The following CDH12 variants were observed in gnomAD, a reference collection of about 807,000 sequenced individuals.
CDH12 encodes the protein cadherin-12.
In CDH12, 41 loss-of-function variants were observed where a neutral mutation model predicts 74.1. The observed-to-expected ratio is 0.55, with a 90% CI of 0.43 to 0.72. CDH12 has a LOEUF of 0.72. Ranked by LOEUF, CDH12 falls within the 30% of genes least tolerant of loss-of-function variation. CDH12 has a pLI of 0.00. For synonymous variants in CDH12, 399 were observed against 355.0 expected (o/e 1.12, Z -1.39); for missense variants, 945 against 977.2 (o/e 0.97, Z 0.44).
At chr5:22,153,889 A>ATATATGTAT (rs1561168560) in intron 4 of CDH12, among the ~76,000 whole-genome samples, 1 of 42,060 alleles carries the variant, frequency 2.4e-5, no homozygotes, top group African/African-American at 6.5e-5. Context: ...TATATATATA[A>ATATATGTAT]ATATATATAT....
At chr5:22,579,737 T>A (rs1739983742) in intron 1 of CDH12, among the ~76,000 whole-genome samples, 1 of 152,204 alleles carries the variant, frequency 6.6e-6, no homozygotes, top group African/African-American at 2.4e-5. Flanking sequence ...CAAAAATCAT[T>A]TAGAGTAAAA....
intron 1 of CDH12, among the ~76,000 whole-genome samples, chr5:22,700,565 C>T (rs899995263): frequency 1.3e-5 from 2 of 152,188 alleles, no homozygotes; most frequent in South Asian, 2.1e-4. Flanking sequence ...AGTTTCTTAT[C>T]GCCTAAGCAG....
At chr5:22,796,517 T>A (rs200154945) in intron 1 of CDH12, among the ~76,000 whole-genome samples, 1 of 88,394 alleles carries the variant, frequency 1.1e-5, no homozygotes, top group Non-Finnish European at 2.1e-5. Context: ...TTTTTATCTT[T>A]TTTTTTTTTT....
At chr5:22,722,512 T>C (rs1743952147) in intron 1 of CDH12, among the ~76,000 whole-genome samples, 1 of 152,214 alleles carries the variant, frequency 6.6e-6, no homozygotes, top group Non-Finnish European at 1.5e-5. Context: ...TAAATAACTA[T>C]GATAAAATGT....
At chr5:22,719,235 T>G (rs768509575) in intron 1 of CDH12, among the ~76,000 whole-genome samples, 10 of 152,140 alleles carry the variant, frequency 6.6e-5, no homozygotes, top group Non-Finnish European at 1.3e-4. Flanking sequence ...ATGCTAAGAG[T>G]TGGCATCCCT....
intron 3 of CDH12, among the ~76,000 whole-genome samples, chr5:22,313,505 TC>T (rs1356500898): frequency 2.0e-5 from 3 of 152,216 alleles, no homozygotes; most frequent in Non-Finnish European, 4.4e-5. Context: ...CAGTCTTTGT[TC>T]TAAAAGTCTC....
rs765565044 is a variant in CDH12 at position 21,752,102 on chromosome 5, C to T, written c.2020G>A (p.Asp674Asn). ...TTTGGGTTTCTCAGAGCCCCGATGT[C>T]GAAAGCCTGGGTATCTTCCTCCCCA... ...GGGEEDTQAF[D>N]IGALRNPKVI... The change falls in exon 15 of 15, where the codon GAC (aspartate) becomes AAC (asparagine). Residue 674 changes from aspartate to asparagine, a missense_variant. By Grantham distance (23) the Asp-to-Asn change is conservative (BLOSUM62 1). Transcript: ENST00000382254. 1.7e-5 allele frequency: 27 copies of T among 1,613,946 alleles called. No homozygotes were observed. Among genetic ancestry groups the T allele is most frequent in the Non-Finnish European group, 1.9e-5 (22 of 1,180,018 alleles).
At chr5:22,681,558 C>T (rs1176064792) in intron 1 of CDH12, among the ~76,000 whole-genome samples, 1 of 151,934 alleles carries the variant, frequency 6.6e-6, no homozygotes, top group Non-Finnish European at 1.5e-5. Context: ...TTTAAGGATG[C>T]TGCATATTAA....
intron 8 of CDH12, among the ~76,000 whole-genome samples, chr5:21,838,193 T>C (rs1579807850): frequency 6.6e-6 from 1 of 152,172 alleles, no homozygotes; most frequent in Admixed American, 6.5e-5. Context: ...AATAGTGATC[T>C]TAGAGTATTG....
intron 3 of CDH12, among the ~76,000 whole-genome samples, chr5:22,313,593 A>T (rs753471897): frequency 6.6e-6 from 1 of 152,216 alleles, no homozygotes; most frequent in Non-Finnish European, 1.5e-5. Flanking sequence ...TAAAATGATT[A>T]ATCTGTGGAT....
At chr5:22,108,171 T>G (rs1171800349) in intron 4 of CDH12, among the ~76,000 whole-genome samples, 1 of 152,172 alleles carries the variant, frequency 6.6e-6, no homozygotes, top group Non-Finnish European at 1.5e-5. Context: ...CATACTGTTC[T>G]CCTAGTAGTG....
chr5:21,864,737 T>C (rs1751237618), intron 6 of CDH12, among the ~76,000 whole-genome samples: 1 of 152,114 alleles, frequency 6.6e-6, no homozygotes, highest in South Asian at 2.1e-4. Context: ...GAACAAACTA[T>C]GAAAAAACCT....
At chr5:22,631,930 C>CA (rs1246829382) in intron 1 of CDH12, among the ~76,000 whole-genome samples, 3 of 152,062 alleles carry the variant, frequency 2.0e-5, no homozygotes, top group Non-Finnish European at 4.4e-5. Flanking sequence ...GATGTAACCC[C>CA]ACGATCCAAT....
At chr5:21,894,024 A>G (rs1389860853) in intron 6 of CDH12, among the ~76,000 whole-genome samples, 1 of 152,194 alleles carries the variant, frequency 6.6e-6, no homozygotes, top group Non-Finnish European at 1.5e-5. Context: ...TAGTCCAAAG[A>G]GATGAGTGAG....
At chr5:21,947,705 C>T (rs1755641811) in intron 6 of CDH12, among the ~76,000 whole-genome samples, 1 of 152,310 alleles carries the variant, frequency 6.6e-6, no homozygotes, top group African/African-American at 2.4e-5. Flanking sequence ...GCCTAAATAA[C>T]AAGAAGCCGA....
At chr5:22,644,202 A>C (rs569974038) in intron 1 of CDH12, among the ~76,000 whole-genome samples, 1 of 152,274 alleles carries the variant, frequency 6.6e-6, no homozygotes, top group African/African-American at 2.4e-5. Context: ...AAAATGGTGA[A>C]GCATAGTGAA....
At chr5:22,321,486 G>A (rs1166366848) in intron 3 of CDH12, among the ~76,000 whole-genome samples, 1 of 126,140 alleles carries the variant, frequency 7.9e-6, no homozygotes, top group Non-Finnish European at 1.6e-5. Flanking sequence ...ACACTCTGGG[G>A]ACTGTTGTGG....
At chr5:22,054,460 G>A (rs181281342) in intron 5 of CDH12, among the ~76,000 whole-genome samples, 1 of 151,894 alleles carries the variant, frequency 6.6e-6, no homozygotes, top group South Asian at 2.1e-4. Context: ...TTTGGGTCAG[G>A]CTTTTTCTTA....
At chr5:22,406,687 A>C (rs1342756839) in intron 2 of CDH12, among the ~76,000 whole-genome samples, 2 of 152,166 alleles carry the variant, frequency 1.3e-5, no homozygotes, top group African/African-American at 4.8e-5. Context: ...AAAGCTTCTA[A>C]GATTAGAGAG....
Sources: allele counts gnomAD v4.1 joint callset (sites outside exome capture counted in the v4.1 genomes callset), GRCh38; gene constraint gnomAD v4.1.1; transcripts MANE v1.5; gene names NCBI Gene and HGNC (gene_info 2026-07-23, HGNC 2026-07-21).